The following THAP6 variants were observed in gnomAD, a reference collection of about 807,000 sequenced individuals.
THAP6 encodes THAP domain-containing protein 6.
A neutral mutation model predicts 20.0 loss-of-function variants in THAP6; 13 were observed. The observed-to-expected ratio is 0.65, with a 90% confidence interval of 0.42 to 1.03. The LOEUF is 1.03. Among genes scored for constraint, THAP6 ranks in the 50% least tolerant of loss-of-function variants. The probability of loss-of-function intolerance (pLI) is 0.00; values close to 1 mark genes in which losing one functional copy is unlikely to be tolerated. For missense variants in THAP6, 262 were observed against 261.6 expected, an observed-to-expected ratio of 1.00 and a Z score of -0.01; for synonymous variants, 93 against 92.2, an observed-to-expected ratio of 1.01 and a Z score of -0.05.
intron 2 of THAP6, among the ~76,000 whole-genome samples, chr4:75,535,705 C>T (rs1174837826): frequency 1.3e-5 from 2 of 152,162 alleles, no homozygotes; most frequent in Non-Finnish European, 2.9e-5. Context: ...AATATGTTAA[C>T]TTACTATGGT....
At chr4:75,534,031 A>G (rs530642448), downstream of THAP6, among the ~76,000 whole-genome samples, 36 of 151,924 alleles carry the variant, frequency 2.4e-4, no homozygotes, top group Admixed American at 6.6e-4. Flanking sequence ...TGTCCTTGCA[A>G]TAGTTTGCTG....
intron 4 of THAP6, among the ~76,000 whole-genome samples, chr4:75,523,874 C>G (rs550244648): frequency 2.4e-4 from 36 of 148,440 alleles, no homozygotes; most frequent in African/African-American, 7.6e-4. Flanking sequence ...CCAATGTTTT[C>G]TTGTAGTCGT....
intron 3 of THAP6, among the ~76,000 whole-genome samples, chr4:75,519,193 G>A (rs750001520): frequency 1.7e-4 from 26 of 151,966 alleles, no homozygotes; most frequent in Non-Finnish European, 1.0e-4. Flanking sequence ...ATGAGATACT[G>A]GTCCATTAAT....
intron 3 of THAP6, among the ~76,000 whole-genome samples, chr4:75,547,222 C>T (rs994774796): frequency 2.0e-5 from 3 of 152,106 alleles, no homozygotes; most frequent in African/African-American, 7.2e-5. Context: ...AGCCCTGGGG[C>T]TAAAACTAAT....
intron 4 of THAP6, among the ~76,000 whole-genome samples, chr4:75,523,673 G>C (rs1479819271): frequency 6.6e-6 from 1 of 151,746 alleles, no homozygotes; most frequent in Non-Finnish European, 1.5e-5. Context: ...GGGGGTGGTG[G>C]CATATGCCTA....
chr4:75,518,626 A>C (rs1369157816), intron 3 of THAP6, among the ~76,000 whole-genome samples: 3 of 151,972 alleles, frequency 2.0e-5, no homozygotes, highest in Non-Finnish European at 4.4e-5. Context: ...CACCTCTATT[A>C]AATGGCAGAG....
At chr4:75,543,773 G>A (rs1727065167) in intron 3 of THAP6, among the ~76,000 whole-genome samples, 1 of 152,196 alleles carries the variant, frequency 6.6e-6, no homozygotes, top group Non-Finnish European at 1.5e-5. Context: ...GAAGAGAGTA[G>A]GCTGGCTCTG....
In THAP6 at chr4:75,536,461, T is replaced by A. The variant is rs181425849; in HGVS notation, c.166-5948T>A. On this transcript the variant is annotated intron_variant, in intron 2 of 4. Transcript: ENST00000502620. ...CCTGGGCAACAAGAGCAAAACTCCA[T>A]CTAAAAAAAAAGAGAGAAGCCCAAT... Among the ~76,000 whole-genome samples, 81 of 151,452 alleles carry A rather than the reference T, an allele frequency of 5.3e-4. 1 individual carries two copies. The highest frequency in any genetic ancestry group is 3.4e-3 in the Middle Eastern group (1 of 292).
chr4:75,535,735 C>G (rs1346556181), intron 2 of THAP6, among the ~76,000 whole-genome samples: 1 of 152,154 alleles, frequency 6.6e-6, no homozygotes, highest in Non-Finnish European at 1.5e-5. Flanking sequence ...GTACTAAGTA[C>G]TAAGGTACTT....
chr4:75,516,984 G>A lies in THAP6; in HGVS notation c.288+5G>A. The stretch of plus-strand genomic sequence containing the variant: ...GATTCTCCATATCACCTACAGGTTT[G>A]TTTATGAGATACTGTTTACCATCAT... On this transcript the variant is annotated splice_donor_5th_base_variant and intron_variant, in intron 3 of 4. Transcript: ENST00000311638. The A allele has an allele frequency of 2.6e-6, 3 of 1,144,318 alleles. No individual in the cohort carries two copies. Among genetic ancestry groups the A allele is most frequent in the South Asian group, 1.3e-5 (1 of 76,186 alleles). The allele number at this position is 1,144,318 out of a possible 1,614,324, so 70.9% of individuals were successfully genotyped here. A position where few individuals can be genotyped will look rare whatever the true frequency, so the allele number is the denominator to read the frequency against.
rs372858388 is a variant in THAP6 at position 75,537,366 on chromosome 4, A to T, written c.166-5043A>T. Among the ~76,000 whole-genome samples the T allele has an allele frequency of 9.2e-5, 14 of 152,104 alleles. 1 individual carries two copies. The highest frequency in any genetic ancestry group is 3.4e-4 in the African/African-American group (14 of 41,486). ...TGTTGTGGGAGGGGCCCGGTGGGAG[A>T]TAATTGAATCATGAGAGCGGTTTCC... On this transcript the variant is annotated intron_variant, in intron 2 of 4. Transcript: ENST00000502620.
At chr4:75,536,461 T>C (rs181425849) in intron 2 of THAP6, among the ~76,000 whole-genome samples, 1 of 151,334 alleles carries the variant, frequency 6.6e-6, no homozygotes, top group Non-Finnish European at 1.5e-5. Flanking sequence ...CAAAACTCCA[T>C]CTAAAAAAAA....
At chr4:75,530,042 T>C (rs1726628134), downstream of THAP6, 1 of 982,904 alleles carries the variant, frequency 1.0e-6, no homozygotes, top group Non-Finnish European at 1.2e-6. Flanking sequence ...TATGTGGTTT[T>C]ATACATTGAG....
intron 3 of THAP6, among the ~76,000 whole-genome samples, chr4:75,519,283 G>C (rs1489574147): frequency 6.6e-6 from 1 of 150,466 alleles, no homozygotes; most frequent in Non-Finnish European, 1.5e-5. Flanking sequence ...TTCACACTGG[G>C]GTTATTATAA....
At chr4:75,514,418 T>C, upstream of THAP6, 1 of 1,047,462 alleles carries the variant, frequency 9.5e-7, no homozygotes, top group Non-Finnish European at 1.3e-6. Context: ...CCTAAGCACG[T>C]GACCCGGGGC....
In THAP6 at chr4:75,527,549, C is replaced by G; in HGVS notation, c.*335C>G. On this transcript the variant is annotated 3_prime_UTR_variant, in exon 5 of 5. Coordinates refer to ENST00000311638, the MANE Select transcript of THAP6 (RefSeq NM_144721.6). ...CTATAGTAGAAGGAATTGGACACTT[C>G]TCCAGATATTTGGCTTCAAAGGAGT... is the stretch of plus-strand genomic sequence containing the variant. 2 of 1,067,042 alleles carry G rather than the reference C, an allele frequency of 1.9e-6. No individual in the cohort carries two copies. Among genetic ancestry groups the G allele is most frequent in the Non-Finnish European group, 2.3e-6 (2 of 880,418 alleles). 66.1% of individuals were successfully genotyped at this position (1,067,042 alleles called of 1,614,324 possible).
At chr4:75,531,844 C>T (rs1215363412), downstream of THAP6, among the ~76,000 whole-genome samples, 1 of 150,832 alleles carries the variant, frequency 6.6e-6, no homozygotes, top group East Asian at 2.0e-4. Context: ...ACCAGAATGG[C>T]ATAGGAAAGA....
intron 3 of THAP6, among the ~76,000 whole-genome samples, chr4:75,520,795 G>T (rs1725973588): frequency 6.6e-6 from 1 of 152,128 alleles, no homozygotes; most frequent in Admixed American, 6.5e-5. Flanking sequence ...AAGAATGTCT[G>T]CCTACCCTAA....
Position 75,528,560 on chromosome 4 carries a change from A to T in THAP6, c.*1346A>T. ...ATTTTATTTTTGTTACATTAATATT[A>T]GTTAAGATATGGTCACTTGAATTTT... On this transcript the variant is annotated 3_prime_UTR_variant, in exon 5 of 5. Transcript: ENST00000311638. 1.0e-6 allele frequency: 1 copy of T among 980,268 alleles called. No homozygotes were observed. The highest frequency in any genetic ancestry group is 1.2e-6 in the Non-Finnish European group (1 of 826,638). 60.7% of individuals were successfully genotyped at this position (980,268 alleles called of 1,614,324 possible). A position where few individuals can be genotyped will look rare whatever the true frequency, so the allele number is the denominator to read the frequency against.
Sources: gnomAD v4.1 joint callset for allele counts (sites outside exome capture counted in the v4.1 genomes callset) on GRCh38, gnomAD v4.1.1 for gene constraint, MANE v1.5 for transcripts, NCBI Gene and HGNC (gene_info 2026-07-23, HGNC 2026-07-21) for gene names.